ENPP6: variants seen among roughly 807,000 people sequenced by gnomAD.
ENPP6 encodes the protein ectonucleotide pyrophosphatase/phosphodiesterase 6.
In ENPP6, 32 loss-of-function variants were observed where a neutral mutation model predicts 42.0. That is an observed-to-expected ratio of 0.76 (90% CI 0.58 to 1.02). The LOEUF (loss-of-function observed/expected upper bound fraction) is 1.02. Ranked by LOEUF, ENPP6 falls within the 50% of genes least tolerant of loss-of-function variation. The probability of loss-of-function intolerance (pLI) is 0.00; values close to 1 mark genes in which losing one functional copy is unlikely to be tolerated. For synonymous variants in ENPP6, 213 were observed against 216.0 expected, an observed-to-expected ratio of 0.99 and a Z score of 0.12; for missense variants, 552 against 566.8, an observed-to-expected ratio of 0.97 and a Z score of 0.27.
At chr4:184,118,365 C>T (rs1736361372) in intron 3 of ENPP6, among the ~76,000 whole-genome samples, 1 of 152,190 alleles carries the variant, frequency 6.6e-6, no homozygotes, top group Non-Finnish European at 1.5e-5. Flanking sequence ...TTTACCATTG[C>T]ATTAAAGTTT....
At chr4:184,164,263 C>T (rs1272459451) in intron 1 of ENPP6, among the ~76,000 whole-genome samples, 1 of 152,226 alleles carries the variant, frequency 6.6e-6, no homozygotes, top group Non-Finnish European at 1.5e-5. Flanking sequence ...GGTCCATGCA[C>T]AAGTGACGCT....
chr4:184,176,380 T>C (rs944694056), intron 1 of ENPP6, among the ~76,000 whole-genome samples: 9 of 152,188 alleles, frequency 5.9e-5, no homozygotes, highest in Admixed American at 6.5e-5. Context: ...ATAATTACCC[T>C]CTTCTTAAAT....
intron 2 of ENPP6, among the ~76,000 whole-genome samples, chr4:184,125,174 T>A (rs1373361848): frequency 6.6e-6 from 1 of 152,138 alleles, no homozygotes; most frequent in Non-Finnish European, 1.5e-5. Flanking sequence ...GCATGCTTCC[T>A]GGGTGTTGTG....
rs563126134 is a variant in ENPP6 at position 184,137,871 on chromosome 4, A to G, written c.422-13599T>C. The stretch of plus-strand genomic sequence containing the variant: ...TGATCAGCATTTGACTGAAGGAGAG[A>G]TGGGTACCATTGCTGGATGCACCTC... On this transcript the variant is annotated intron_variant, in intron 2 of 7. Transcript: ENST00000296741. Among the ~76,000 whole-genome samples, 5 of 152,286 alleles carry G rather than the reference A, an allele frequency of 3.3e-5. No individual in the cohort carries two copies. In the East Asian group the frequency reaches 9.6e-4, roughly 29 times the overall value.
intron 2 of ENPP6, among the ~76,000 whole-genome samples, chr4:184,146,182 C>G (rs2111372646): frequency 6.6e-6 from 1 of 151,994 alleles, no homozygotes; most frequent in East Asian, 1.9e-4. Context: ...CCTGTAATCC[C>G]AGCACTTTGA....
chr4:184,111,636 C>T (rs901855214), intron 6 of ENPP6, among the ~76,000 whole-genome samples: 22 of 152,360 alleles, frequency 1.4e-4, no homozygotes, highest in African/African-American at 4.1e-4. Context: ...CTCTGCTCTG[C>T]GCAACTCACA....
At chr4:184,101,889 C>T (rs1026233012) in intron 6 of ENPP6, among the ~76,000 whole-genome samples, 4 of 152,138 alleles carry the variant, frequency 2.6e-5, no homozygotes, top group African/African-American at 9.7e-5. Context: ...AGAAACAAGT[C>T]GCCCCACACC....
chr4:184,105,679 TA>T (rs1736075675), intron 6 of ENPP6, among the ~76,000 whole-genome samples: 1 of 152,230 alleles, frequency 6.6e-6, no homozygotes, highest in South Asian at 2.1e-4. Flanking sequence ...AAATTTTTTT[TA>T]AAATCCCCAT....
chr4:184,183,702 C>T (rs1017590520), intron 1 of ENPP6, among the ~76,000 whole-genome samples: 5 of 152,144 alleles, frequency 3.3e-5, no homozygotes, highest in African/African-American at 1.2e-4. Context: ...AGTTTTTTAC[C>T]AAACATGCAT....
intron 1 of ENPP6, among the ~76,000 whole-genome samples, chr4:184,200,250 G>A (rs4862335): frequency 0.5 from 76,142 of 152,068 alleles, 20,248 homozygotes; most frequent in East Asian, 0.95. Flanking sequence ...TGCCAGAAGC[G>A]GTGAGGACCC....
intron 1 of ENPP6, among the ~76,000 whole-genome samples, chr4:184,155,824 T>C (rs1451507614): frequency 1.3e-5 from 2 of 152,310 alleles, no homozygotes; most frequent in African/African-American, 2.4e-5. Flanking sequence ...AGAAACCCCA[T>C]ATCATTTGGT....
At chr4:184,150,200 T>C (rs866172106) in intron 2 of ENPP6, among the ~76,000 whole-genome samples, 1 of 152,192 alleles carries the variant, frequency 6.6e-6, no homozygotes, top group Non-Finnish European at 1.5e-5. Context: ...CCTGTTGAAC[T>C]ATATTAAACG....
At position 184,208,895 on chromosome 4, in the gene ENPP6, G is replaced by C. The variant is rs375812222; in HGVS notation, c.241+8684C>G. ...AGCACGCAGCTGGAGATCTGAGAACGGGCAGACTGCCTCCTCAAGTGGGTC... is the reference window on the plus strand; with the variant it reads ...AGCACGCAGCTGGAGATCTGAGAACCGGCAGACTGCCTCCTCAAGTGGGTC... On this transcript the variant is annotated intron_variant, in intron 1 of 7. Coordinates refer to ENST00000296741, the MANE Select transcript of ENPP6 (RefSeq NM_153343.4). 2.1e-3 allele frequency among the ~76,000 whole-genome samples: 297 copies of C among 142,904 alleles called. 1 individual carries two copies. The highest frequency in any genetic ancestry group is 3.6e-3 in the Middle Eastern group (1 of 278). 93.8% of individuals were successfully genotyped at this position (142,904 alleles called of 152,430 possible).
intron 2 of ENPP6, among the ~76,000 whole-genome samples, chr4:184,152,061 C>G (rs1251170426): frequency 1.3e-5 from 2 of 152,206 alleles, no homozygotes; most frequent in Non-Finnish European, 2.9e-5. Flanking sequence ...CTGGGAGAGC[C>G]TGTGCTGGCT....
Position 184,200,491 on chromosome 4 carries a change from C to T in ENPP6, c.241+17088G>A, listed in dbSNP as rs536213182. 1.4e-3 allele frequency among the ~76,000 whole-genome samples: 218 copies of T among 152,350 alleles called. 1 individual carries two copies. The highest frequency in any genetic ancestry group is 5.0e-3 in the African/African-American group (206 of 41,584). On this transcript the variant is annotated intron_variant, in intron 1 of 7. Transcript: ENST00000296741. ...TTGGCTTCGGTTGGGGTTAGCACACCTAGTTGGCCAGAACCTAATTAACAT... is the reference window on the plus strand; with the variant it reads ...TTGGCTTCGGTTGGGGTTAGCACACTTAGTTGGCCAGAACCTAATTAACAT...
At chr4:184,159,783 T>C (rs1737232343) in intron 1 of ENPP6, among the ~76,000 whole-genome samples, 1 of 152,182 alleles carries the variant, frequency 6.6e-6, no homozygotes, top group African/African-American at 2.4e-5. Flanking sequence ...CAATGTGTAG[T>C]CTTTTATCCC....
At chr4:184,096,216 T>G (rs1333052716) in intron 7 of ENPP6, among the ~76,000 whole-genome samples, 1 of 152,198 alleles carries the variant, frequency 6.6e-6, no homozygotes, top group Non-Finnish European at 1.5e-5. Context: ...TGAACGATGG[T>G]AGGCTGAATG....
In ENPP6 at chr4:184,153,575, C is replaced by T; in HGVS notation, c.400G>A (p.Val134Ile). Residue 134 changes from valine to isoleucine, a missense_variant, in exon 2 of 8, where the codon GTC (valine) becomes ATC (isoleucine). Coordinates refer to ENST00000296741, the MANE Select transcript of ENPP6 (RefSeq NM_153343.4). ...TCACCTGGCCAGTAGTACATGTAGA[C>T]CTTCCTTTTGGCCTTGGTCAGAGTG... ...WVTLTKAKRKVYMYYWPGCEV... is the reference protein window; with the variant it reads ...WVTLTKAKRKIYMYYWPGCEV... 1.2e-6 allele frequency: 2 copies of T among 1,613,938 alleles called. No individual in the cohort carries two copies. Among genetic ancestry groups the T allele is most frequent in the Non-Finnish European group, 1.7e-6 (2 of 1,179,912 alleles).
chr4:184,201,737 AT>A (rs33958112), intron 1 of ENPP6, among the ~76,000 whole-genome samples: 94 of 149,398 alleles, frequency 6.3e-4, no homozygotes, highest in South Asian at 1.3e-3. Flanking sequence ...CTTAGAACAC[AT>A]TTTTTTTTTT....
Sources: gnomAD v4.1 joint callset for allele counts (sites outside exome capture counted in the v4.1 genomes callset) on GRCh38, gnomAD v4.1.1 for gene constraint, MANE v1.5 for transcripts, NCBI Gene and HGNC (gene_info 2026-07-23, HGNC 2026-07-21) for gene names.